The following PDE1A variants were observed in gnomAD, a reference collection of about 807,000 sequenced individuals.
The protein encoded by PDE1A is dual specificity calcium/calmodulin-dependent 3',5'-cyclic nucleotide phosphodiesterase 1A.
A neutral mutation model predicts 61.7 loss-of-function variants in PDE1A; 35 were observed. That is an observed-to-expected ratio of 0.57 (90% CI 0.43 to 0.75). PDE1A has a LOEUF of 0.75. Ranked by LOEUF, PDE1A falls within the 30% of genes least tolerant of loss-of-function variation. PDE1A has a pLI of 0.00. For synonymous variants in PDE1A, 232 were observed against 213.2 expected (o/e 1.09, Z -0.77); for missense variants, 597 against 630.6 (o/e 0.95, Z 0.57).
intron 2 of PDE1A, among the ~76,000 whole-genome samples, chr2:182,492,582 G>GA (rs5836837): frequency 0.83 from 126,307 of 152,108 alleles, 52,772 homozygotes; most frequent in East Asian, 0.99. Flanking sequence ...TACGGTTATA[G>GA]ATCATATTAT....
intron 2 of PDE1A, among the ~76,000 whole-genome samples, chr2:182,452,291 T>C (rs138520926): frequency 6.2e-4 from 94 of 152,192 alleles, no homozygotes; most frequent in South Asian, 1.9e-3. Context: ...AGTTATTTGA[T>C]TGATCAGTCC....
intron 2 of PDE1A, among the ~76,000 whole-genome samples, chr2:182,258,137 C>A (rs765614659): frequency 1.3e-5 from 2 of 150,338 alleles, no homozygotes; most frequent in African/African-American, 2.5e-5. Flanking sequence ...CACTGCACTC[C>A]AGCCTAGGCG....
chr2:182,376,433 C>T (rs1700408072), intron 1 of PDE1A, among the ~76,000 whole-genome samples: 2 of 152,196 alleles, frequency 1.3e-5, no homozygotes, highest in African/African-American at 4.8e-5. Context: ...TAATAAGAGT[C>T]ACCTTTGCTC....
intron 2 of PDE1A, among the ~76,000 whole-genome samples, chr2:182,450,477 C>T (rs1026131033): frequency 2.0e-5 from 3 of 151,896 alleles, no homozygotes; most frequent in African/African-American, 7.3e-5. Flanking sequence ...TAAGCATTTG[C>T]CCATGAAACT....
At chr2:182,692,434 C>A in the PDE1A span, among the ~76,000 whole-genome samples, 2 of 151,924 alleles carry the variant, frequency 1.3e-5, no homozygotes, top group Non-Finnish European at 2.9e-5. Flanking sequence ...AAACCAAACA[C>A]CCCATGTTGT....
chr2:182,330,338 C>G (rs2124935163), intron 1 of PDE1A, among the ~76,000 whole-genome samples: 1 of 43,160 alleles, frequency 2.3e-5, no homozygotes, highest in Non-Finnish European at 6.1e-5. Flanking sequence ...CAGCAAAACT[C>G]AGTCTTAAAA....
At chr2:182,482,619 C>T (rs962047405) in intron 2 of PDE1A, among the ~76,000 whole-genome samples, 3 of 151,940 alleles carry the variant, frequency 2.0e-5, no homozygotes, top group Admixed American at 1.3e-4. Context: ...CATGTATTCA[C>T]CAGAAACTAT....
At chr2:182,162,820 G>A (rs1280628584) in intron 13 of PDE1A, among the ~76,000 whole-genome samples, 3 of 152,058 alleles carry the variant, frequency 2.0e-5, no homozygotes, top group Admixed American at 6.6e-5. Flanking sequence ...AGTGGTCCCC[G>A]AACCCATAAG....
chr2:182,164,958 A>G (rs992050316), downstream of PDE1A, among the ~76,000 whole-genome samples: 2 of 152,156 alleles, frequency 1.3e-5, no homozygotes, highest in African/African-American at 4.8e-5. Context: ...TTCACTTCAC[A>G]GGGAAAAAGT....
At chr2:182,244,420 A>G (rs1180286866) in intron 2 of PDE1A, among the ~76,000 whole-genome samples, 1 of 150,676 alleles carries the variant, frequency 6.6e-6, no homozygotes, top group African/African-American at 2.5e-5. Flanking sequence ...GTTTTCAGTT[A>G]TGTCTCTTTT....
At chr2:182,330,610 C>G (rs543793756) in intron 1 of PDE1A, among the ~76,000 whole-genome samples, 1 of 152,164 alleles carries the variant, frequency 6.6e-6, no homozygotes, top group Admixed American at 6.5e-5. Flanking sequence ...GCTTACTGTC[C>G]CCTCTGTCGC....
chr2:182,201,381 C>T (rs1004197371), intron 10 of PDE1A, 58 bp downstream of exon 10: 24 of 1,589,754 alleles, frequency 1.5e-5, no homozygotes, highest in East Asian at 6.7e-5. Context: ...AAAAGGTGTA[C>T]GCTAATATGC....
At chr2:182,646,105 TAC>T in the PDE1A span, among the ~76,000 whole-genome samples, 1 of 152,096 alleles carries the variant, frequency 6.6e-6, no homozygotes, top group Non-Finnish European at 1.5e-5. Flanking sequence ...GCCACTCTTT[TAC>T]AGAGTTAGAT....
the PDE1A span, among the ~76,000 whole-genome samples, chr2:182,576,635 C>T: frequency 1.3e-5 from 2 of 152,150 alleles, no homozygotes; most frequent in African/African-American, 2.4e-5. Flanking sequence ...TTTTGAGGAA[C>T]CACCATACTG....
At chr2:182,666,208 CTTAAAA>C in the PDE1A span, among the ~76,000 whole-genome samples, 1 of 152,098 alleles carries the variant, frequency 6.6e-6, no homozygotes, top group East Asian at 1.9e-4. Flanking sequence ...TAACCCAGAA[CTTAAAA>C]TTAAAATTAA....
At chr2:182,336,145 T>C (rs1045686325) in intron 1 of PDE1A, among the ~76,000 whole-genome samples, 2 of 152,046 alleles carry the variant, frequency 1.3e-5, no homozygotes, top group African/African-American at 4.8e-5. Context: ...TGTGAAGAAA[T>C]AGGAACACTT....
At chr2:182,637,871 A>G in the PDE1A span, among the ~76,000 whole-genome samples, 97,392 of 151,920 alleles carry the variant, frequency 0.64, 31,419 homozygotes, top group Admixed American at 0.73. Context: ...GCAGTGAGTC[A>G]AGATCATGCC....
At chr2:182,457,628 T>G (rs1211537516) in intron 2 of PDE1A, among the ~76,000 whole-genome samples, 1 of 152,064 alleles carries the variant, frequency 6.6e-6, no homozygotes, top group Non-Finnish European at 1.5e-5. Context: ...ATTAGAATAG[T>G]GTGATGACTG....
At chr2:182,392,332 A>G (rs1488873380) in intron 1 of PDE1A, among the ~76,000 whole-genome samples, 1 of 152,184 alleles carries the variant, frequency 6.6e-6, no homozygotes, top group Non-Finnish European at 1.5e-5. Flanking sequence ...CATGAGACTT[A>G]TTCATTATCA....
Sources: allele counts gnomAD v4.1 joint callset (sites outside exome capture counted in the v4.1 genomes callset), GRCh38; gene constraint gnomAD v4.1.1; transcripts MANE v1.5; gene names NCBI Gene and HGNC (gene_info 2026-07-23, HGNC 2026-07-21).